BCAS3: variants seen among roughly 807,000 people sequenced by gnomAD.
BCAS3 encodes BCAS4/BCAS3 fusion.
BCAS3 carries 53 observed loss-of-function variants against 116.1 expected under a neutral mutation model. The ratio of observed to expected loss-of-function variants is 0.46; its 90% confidence interval spans 0.37 to 0.57. The LOEUF is 0.57. Ranked by LOEUF, BCAS3 falls within the 20% of genes least tolerant of loss-of-function variation. The pLI, the probability that BCAS3 is intolerant of heterozygous loss-of-function variation, is 0.00. For missense variants in BCAS3, 917 were observed against 1,165.4 expected (o/e 0.79, Z 3.10); for synonymous variants, 391 against 408.2 (o/e 0.96, Z 0.51).
At chr17:61,031,803 G>T (rs1293284677) in intron 16 of BCAS3, among the ~76,000 whole-genome samples, 2 of 151,726 alleles carry the variant, frequency 1.3e-5, no homozygotes, top group East Asian at 3.9e-4. Context: ...CCCTATCAGA[G>T]GAAAAAAGAA....
In BCAS3 at chr17:61,034,623, T is replaced by G; in HGVS notation, c.1638-43T>G. The stretch of plus-strand genomic sequence containing the variant: ...CTGTCATTACCTAAAGGAGTATCAT[T>G]TCATCATGATAATTGTTTTTTACTC... On this transcript the variant is annotated intron_variant, in intron 16 of 23. Transcript: ENST00000407086. This position sits in a 1 kb window ranked among gnomAD's most constrained non-coding sequence, Gnocchi z 5.0. 6.5e-7 allele frequency: 1 copy of G among 1,527,754 alleles called. No homozygotes were observed. Among genetic ancestry groups the G allele is most frequent in the South Asian group, 1.2e-5 (1 of 85,122 alleles). The allele number at this position is 1,527,754 out of a possible 1,614,324, so 94.6% of individuals were successfully genotyped here.
rs2081997947 is a variant in BCAS3, at chr17:61,219,662, G to A, written c.2425+135098G>A. On this transcript the variant is annotated intron_variant, in intron 22 of 23. Coordinates refer to ENST00000407086, the MANE Select transcript of BCAS3 (RefSeq NM_017679.5). The surrounding 1 kb of genome is among the most constrained non-coding windows in gnomAD (Gnocchi z 5.2). ...TAATGGGCAGCCTCTGTAGCTCCTT[G>A]GAGGGTTGCAAATAGCTGCCGTGAG... 6.6e-6 allele frequency among the ~76,000 whole-genome samples: 1 copy of A among 152,106 alleles called. No homozygotes were observed. The highest frequency in any genetic ancestry group is 2.4e-5 in the African/African-American group (1 of 41,398).
chr17:61,110,133 A>C (rs757998194), intron 22 of BCAS3, among the ~76,000 whole-genome samples: 10 of 152,206 alleles, frequency 6.6e-5, no homozygotes, highest in Non-Finnish European at 1.3e-4. Flanking sequence ...ATATAAGGTG[A>C]GAGAAGAGCA....
At chr17:60,899,625 G>A (rs1284467693) in intron 10 of BCAS3, among the ~76,000 whole-genome samples, 1 of 152,032 alleles carries the variant, frequency 6.6e-6, no homozygotes, top group Non-Finnish European at 1.5e-5. Flanking sequence ...AGCCTCCTGA[G>A]TAGCTAGGAT....
In BCAS3 at chr17:61,032,556, GC is replaced by G. The variant is rs1021758286; in HGVS notation, c.1638-2109del. On this transcript the variant is annotated intron_variant, in intron 16 of 23. Transcript: ENST00000407086. The surrounding 1 kb of genome is among the most constrained non-coding windows in gnomAD (Gnocchi z 4.6). ...AAGAAGCCTTATATTCTCAGGTAAT[GC>G]AACAGAGAGCATCATAACCAGAAAG... is the stretch of plus-strand genomic sequence containing the variant. 2.0e-5 allele frequency among the ~76,000 whole-genome samples: 3 copies of G among 152,138 alleles called. No individual in the cohort carries two copies. Among genetic ancestry groups the G allele is most frequent in the African/African-American group, 7.2e-5 (3 of 41,448 alleles).
intron 14 of BCAS3, among the ~76,000 whole-genome samples, chr17:60,986,136 G>A (rs374010293): frequency 3.3e-5 from 5 of 152,278 alleles, no homozygotes; most frequent in African/African-American, 1.2e-4. Flanking sequence ...ATAACCTCCA[G>A]TTCTGTCCAT....
intron 6 of BCAS3, among the ~76,000 whole-genome samples, chr17:60,795,628 G>C (rs565389124): frequency 1.3e-5 from 2 of 152,094 alleles, no homozygotes; most frequent in African/African-American, 4.8e-5. Context: ...AATCATAAAG[G>C]GGTGCTGGAT....
At chr17:60,765,112 A>G (rs948771452) in intron 6 of BCAS3, among the ~76,000 whole-genome samples, 6 of 152,114 alleles carry the variant, frequency 3.9e-5, no homozygotes, top group Admixed American at 2.6e-4. Context: ...TCTCCTGAAT[A>G]TAGCACACTG....
intron 19 of BCAS3, among the ~76,000 whole-genome samples, chr17:61,044,915 C>T (rs2067903130): frequency 2.0e-5 from 3 of 151,670 alleles, no homozygotes; most frequent in Admixed American, 1.3e-4. Flanking sequence ...GCACACGCCA[C>T]CACACCTGGC....
At chr17:61,109,978 C>T (rs552722878) in intron 22 of BCAS3, among the ~76,000 whole-genome samples, 1 of 152,120 alleles carries the variant, frequency 6.6e-6, no homozygotes, top group Non-Finnish European at 1.5e-5. Context: ...GTTTTTGTTG[C>T]ATTTGCTCTT....
rs973589864 is a variant in BCAS3 at position 61,171,676 on chromosome 17, A to C, written c.2425+87112A>C. ...GCGTCTGTTGCCAAGGCTGATATGC[A>C]GTGACATGATTACAGCTCACTGCAG... On this transcript the variant is annotated intron_variant, in intron 22 of 23. Coordinates refer to ENST00000407086, the MANE Select transcript of BCAS3 (RefSeq NM_017679.5). This position sits in a 1 kb window ranked among gnomAD's most constrained non-coding sequence, Gnocchi z 4.1. Among the ~76,000 whole-genome samples the C allele has an allele frequency of 1.3e-5, 2 of 152,090 alleles. No homozygotes were observed. The highest frequency in any genetic ancestry group is 4.2e-4 in the South Asian group (2 of 4,814).
rs1476361014 is a variant in BCAS3, at chr17:61,219,474, A to G, written c.2425+134910A>G. 6.6e-6 allele frequency among the ~76,000 whole-genome samples: 1 copy of G among 152,168 alleles called. No homozygotes were observed. The highest frequency in any genetic ancestry group is 2.4e-5 in the African/African-American group (1 of 41,444). On this transcript the variant is annotated intron_variant, in intron 22 of 23. Transcript: ENST00000407086. The surrounding 1 kb of genome is among the most constrained non-coding windows in gnomAD (Gnocchi z 5.2). Reference sequence around the variant, plus strand: ...CTGGTGCTGCCAGCTCAGGGAGTTTATGAAATTTTGATGTAGAAATTAGAT... The same window carrying G: ...CTGGTGCTGCCAGCTCAGGGAGTTTGTGAAATTTTGATGTAGAAATTAGAT...
chr17:61,358,500 A>ATTTT (rs71150608), intron 22 of BCAS3, among the ~76,000 whole-genome samples: 11 of 130,892 alleles, frequency 8.4e-5, no homozygotes, highest in Non-Finnish European at 1.3e-4. Flanking sequence ...CACGTTTTTA[A>ATTTT]TTTTTTTTTT....
chr17:60,757,370 C>T (rs982628763), intron 6 of BCAS3, among the ~76,000 whole-genome samples: 8 of 145,604 alleles, frequency 5.5e-5, no homozygotes, highest in African/African-American at 2.2e-4. Context: ...AAATGAGTTT[C>T]TCTGCATCCT....
rs56092777 is a variant in BCAS3 at position 61,046,071 on chromosome 17, T to A, written c.2029+5179T>A. Among the ~76,000 whole-genome samples the A allele has an allele frequency of 1.0e-4, 3 of 29,986 alleles. No individual in the cohort carries two copies. In the East Asian group the frequency reaches 2.8e-3, roughly 28 times the overall value. 19.7% of individuals were successfully genotyped at this position (29,986 alleles called of 152,430 possible). ...TAATATATATATTATATATATATAA[T>A]ATATATATATTTATATATATATATA... On this transcript the variant is annotated intron_variant, in intron 19 of 23. Coordinates refer to ENST00000407086, the MANE Select transcript of BCAS3 (RefSeq NM_017679.5).
At chr17:60,748,041 A>G (rs1434156881) in intron 6 of BCAS3, among the ~76,000 whole-genome samples, 1 of 152,174 alleles carries the variant, frequency 6.6e-6, no homozygotes, top group East Asian at 1.9e-4. Flanking sequence ...CAGTGAAAAC[A>G]TAATCATAAT....
At position 61,188,009 on chromosome 17, in the gene BCAS3, A is replaced by T. The variant is rs765059936; in HGVS notation, c.2425+103445A>T. Among the ~76,000 whole-genome samples, 2 of 152,144 alleles carry T rather than the reference A, an allele frequency of 1.3e-5. No homozygotes were observed. The highest frequency in any genetic ancestry group is 1.5e-5 in the Non-Finnish European group (1 of 68,010). ...AGCCCCCATCCTAGTCCTCAAAACA[A>T]TGTTAACTTTTTCTAAAATTTAAAA... On this transcript the variant is annotated intron_variant, in intron 22 of 23. Transcript: ENST00000407086. This position sits in a 1 kb window ranked among gnomAD's most constrained non-coding sequence, Gnocchi z 4.0.
intron 4 of BCAS3, among the ~76,000 whole-genome samples, chr17:60,700,996 C>T (rs1004771999): frequency 6.6e-6 from 1 of 151,984 alleles, no homozygotes; most frequent in Non-Finnish European, 1.5e-5. Flanking sequence ...GTAATCCCAG[C>T]ACTTTGGGAG....
chr17:60,942,537 G>A (rs940392125), intron 13 of BCAS3, among the ~76,000 whole-genome samples: 11 of 152,094 alleles, frequency 7.2e-5, no homozygotes, highest in African/African-American at 2.7e-4. Flanking sequence ...GACATATAAT[G>A]AGAGGTAAGG....
Sources: gnomAD v4.1 joint callset for allele counts (sites outside exome capture counted in the v4.1 genomes callset) on GRCh38, gnomAD v4.1.1 for gene constraint, Gnocchi (gnomAD v3.1) non-coding constraint, MANE v1.5 for transcripts, NCBI Gene and HGNC (gene_info 2026-07-23, HGNC 2026-07-21) for gene names.